SDK2: variants seen among roughly 807,000 people sequenced by gnomAD.
SDK2 encodes the protein protein sidekick-2.
SDK2 carries 105 observed loss-of-function variants against 253.9 expected under a neutral mutation model. That is an observed-to-expected ratio of 0.41 (90% CI 0.35 to 0.49). The LOEUF is 0.49. Ranked by LOEUF, SDK2 falls within the 20% of genes least tolerant of loss-of-function variation. The pLI is 0.06. For missense variants in SDK2, 2,608 were observed against 3,003.0 expected (o/e 0.87, Z 3.07); for synonymous variants, 1,249 against 1,234.9 (o/e 1.01, Z -0.24).
intron 3 of SDK2, among the ~76,000 whole-genome samples, chr17:73,471,907 G>A (rs1325706952): frequency 3.3e-5 from 5 of 152,224 alleles, no homozygotes; most frequent in Non-Finnish European, 7.3e-5. Context: ...ACTTACAGCT[G>A]CGTGACCTTG....
intron 44 of SDK2, among the ~76,000 whole-genome samples, chr17:73,341,495 A>G (rs2062437036): frequency 6.6e-6 from 1 of 152,170 alleles, no homozygotes; most frequent in Non-Finnish European, 1.5e-5. Flanking sequence ...AGTGCACTGC[A>G]GCTCAGAGGA....
chr17:73,428,440 C>T (rs1471603249), intron 12 of SDK2, among the ~76,000 whole-genome samples: 1 of 152,140 alleles, frequency 6.6e-6, no homozygotes, highest in East Asian at 1.9e-4. Context: ...CACCCCTGCA[C>T]CTGGCTTTGC....
intron 37 of SDK2, 69 bp downstream of exon 37, chr17:73,368,338 C>A: frequency 7.6e-7 from 1 of 1,310,588 alleles, no homozygotes; most frequent in South Asian, 1.8e-5. Flanking sequence ...AGCCCGGATG[C>A]CAGGTAGGTC....
At chr17:73,410,798 C>G (rs1164625649) in intron 18 of SDK2, among the ~76,000 whole-genome samples, 2 of 152,216 alleles carry the variant, frequency 1.3e-5, no homozygotes, top group Non-Finnish European at 2.9e-5. Context: ...TATCGAGTAG[C>G]TACTGGGGGC....
chr17:73,517,611 G>A (rs1403937357), intron 1 of SDK2: 1 of 152,172 alleles, frequency 6.6e-6, no homozygotes, highest in Non-Finnish European at 1.5e-5. Context: ...TCAGACTTCT[G>A]GCCTCCAGAA....
intron 37 of SDK2, among the ~76,000 whole-genome samples, chr17:73,367,735 C>T (rs755544715): frequency 6.1e-4 from 93 of 152,224 alleles, no homozygotes; most frequent in Admixed American, 1.1e-3. Flanking sequence ...AACTCCTGAC[C>T]TCAGGTGATC....
intron 39 of SDK2, among the ~76,000 whole-genome samples, chr17:73,359,791 A>G (rs2062626172): frequency 6.6e-6 from 1 of 152,120 alleles, no homozygotes; most frequent in Non-Finnish European, 1.5e-5. Context: ...GACTTCAGGT[A>G]TTCACCAGTA....
chr17:73,414,196 C>G (rs183592621), intron 18 of SDK2, among the ~76,000 whole-genome samples: 74 of 151,852 alleles, frequency 4.9e-4, no homozygotes, highest in African/African-American at 1.8e-3. Context: ...TACAGGCGCC[C>G]CTGCCACCAA....
At chr17:73,641,553 C>T (rs1167109739) in intron 1 of SDK2, among the ~76,000 whole-genome samples, 1 of 152,136 alleles carries the variant, frequency 6.6e-6, no homozygotes, top group Admixed American at 6.5e-5. Context: ...TTTCAGTATA[C>T]CCAGGTGATG....
At chr17:73,470,308 A>C (rs2063639908) in intron 3 of SDK2, among the ~76,000 whole-genome samples, 1 of 151,912 alleles carries the variant, frequency 6.6e-6, no homozygotes, top group African/African-American at 2.4e-5. Context: ...CACACACACA[A>C]ATATCCTTGT....
At position 73,507,559 on chromosome 17, in the gene SDK2, T is replaced by A; in HGVS notation, c.103A>T (p.Thr35Ser). The A allele has an allele frequency of 1.9e-6, 3 of 1,551,700 alleles. No individual in the cohort carries two copies. The Admixed American group carries it at 5.9e-5, about 30-fold the overall frequency. The change falls in exon 2 of 45, where the codon ACA becomes TCA. Residue 35 changes from threonine (T) to serine (S), a missense_variant. By Grantham distance (58) the Thr-to-Ser change is moderately conservative (BLOSUM62 1). Transcript: ENST00000392650. ...SPYFKTEPVR[T>S]QVHLEGNRLV... ...CGGTTTCCTTCCAAGTGCACCTGTG[T>A]CCGCACAGGCTCTGTCTTGAAATAC...
intron 16 of SDK2, among the ~76,000 whole-genome samples, chr17:73,417,594 TAACCA>T (rs1044325177): frequency 3.3e-5 from 5 of 152,006 alleles, no homozygotes; most frequent in African/African-American, 1.2e-4. Flanking sequence ...GGAGGATTGC[TAACCA>T]GGGGCACTGA....
intron 6 of SDK2, among the ~76,000 whole-genome samples, chr17:73,439,495 A>T (rs1163808302): frequency 6.6e-6 from 1 of 152,072 alleles, no homozygotes; most frequent in East Asian, 1.9e-4. Context: ...CTGAGGCAGG[A>T]GGATCACTTG....
intron 12 of SDK2, among the ~76,000 whole-genome samples, chr17:73,425,915 A>G (rs888740869): frequency 4.6e-5 from 7 of 152,216 alleles, no homozygotes; most frequent in African/African-American, 1.7e-4. Flanking sequence ...GCAAGCTAAT[A>G]TAAAATAGAG....
chr17:73,595,112 A>T (rs1275816165), intron 1 of SDK2, among the ~76,000 whole-genome samples: 3 of 152,186 alleles, frequency 2.0e-5, no homozygotes, highest in African/African-American at 7.2e-5. Flanking sequence ...GGTGCCTGAA[A>T]TAAGTGGGCA....
chr17:73,543,818 TG>T lies in SDK2; in HGVS notation c.65-36222del, dbSNP rs2044910801. ...CAGGGGGAGAGGCAGCTTCTGTCCC[TG>T]GGTGATGCCGCTCTACAAGTGTGAA... On this transcript the variant is annotated intron_variant, in intron 1 of 44. Coordinates refer to ENST00000392650, the MANE Select transcript of SDK2 (RefSeq NM_001144952.2). Among the ~76,000 whole-genome samples, 4 of 152,320 alleles carry T rather than the reference TG, an allele frequency of 2.6e-5. No individual in the cohort carries two copies. In the South Asian group the frequency reaches 8.3e-4, roughly 32 times the overall value.
At chr17:73,513,125 C>T (rs1017722087) in intron 1 of SDK2, among the ~76,000 whole-genome samples, 4 of 147,504 alleles carry the variant, frequency 2.7e-5, no homozygotes, top group African/African-American at 9.8e-5. Flanking sequence ...CCTTCAACTA[C>T]ACAGAAATTC....
At chr17:73,528,537 C>G (rs16977669) in intron 1 of SDK2, among the ~76,000 whole-genome samples, 2 of 152,112 alleles carry the variant, frequency 1.3e-5, no homozygotes, top group Admixed American at 1.3e-4. Flanking sequence ...CACTTGGGGC[C>G]GGTCAAGTCC....
chr17:73,412,108 GTATA>G (rs1568389532), intron 18 of SDK2, among the ~76,000 whole-genome samples: 1 of 39,408 alleles, frequency 2.5e-5, no homozygotes, highest in African/African-American at 7.2e-5. Context: ...ATATGTATAC[GTATA>G]TATGTATACG....
Sources: allele counts gnomAD v4.1 joint callset (sites outside exome capture counted in the v4.1 genomes callset), GRCh38; gene constraint gnomAD v4.1.1; transcripts MANE v1.5; gene names NCBI Gene and HGNC (gene_info 2026-07-23, HGNC 2026-07-21).